DAB1: variants seen among roughly 807,000 people sequenced by gnomAD.
DAB1 encodes the protein DAB adaptor protein 1.
A neutral mutation model predicts 64.6 loss-of-function variants in DAB1; 15 were observed. The ratio of observed to expected loss-of-function variants is 0.23; its 90% CI spans 0.16 to 0.36. The LOEUF (loss-of-function observed/expected upper bound fraction) is 0.36, where lower values mean the gene tolerates loss of function less well. Among genes scored for constraint, DAB1 ranks in the 10% least tolerant of loss-of-function variants. DAB1 has a pLI of 1.00. For synonymous variants in DAB1, 235 were observed against 251.9 expected (o/e 0.93, Z 0.64); for missense variants, 596 against 706.7 (o/e 0.84, Z 1.78).
intron 4 of DAB1, among the ~76,000 whole-genome samples, chr1:57,124,894 A>T (rs1205312272): frequency 2.6e-5 from 4 of 152,096 alleles, no homozygotes; most frequent in African/African-American, 9.7e-5. Flanking sequence ...TCAAAAAATC[A>T]CTGTCTTTTG....
intron 7 of DAB1, among the ~76,000 whole-genome samples, chr1:57,455,938 T>C (rs1209777947): frequency 6.6e-6 from 1 of 152,200 alleles, no homozygotes; most frequent in Non-Finnish European, 1.5e-5. Context: ...GAATTCATCA[T>C]TAAAAATTTC....
At chr1:58,212,986 G>A (rs1049257792) in intron 4 of DAB1, among the ~76,000 whole-genome samples, 1 of 152,110 alleles carries the variant, frequency 6.6e-6, no homozygotes, top group African/African-American at 2.4e-5. Flanking sequence ...GGTTCTTAGA[G>A]CCCATTTAAA....
chr1:58,353,534 A>G (rs980593214), intron 3 of DAB1, among the ~76,000 whole-genome samples: 1 of 152,212 alleles, frequency 6.6e-6, no homozygotes. Flanking sequence ...TTAGTTGTTT[A>G]TCGAGTTTAA....
At chr1:58,145,137 A>G (rs1654516492) in intron 5 of DAB1, among the ~76,000 whole-genome samples, 1 of 152,250 alleles carries the variant, frequency 6.6e-6, no homozygotes, top group Non-Finnish European at 1.5e-5. Context: ...GAACCAGCCC[A>G]AACCAGCTTC....
rs1024795706 is a variant in DAB1, at chr1:58,451,128, C to T, written n.257+54932G>A. 2.0e-5 allele frequency among the ~76,000 whole-genome samples: 3 copies of T among 152,120 alleles called. No individual in the cohort carries two copies. The East Asian group carries it at 5.8e-4, about 29-fold the overall frequency. ...TTTCAGGGATATGATTTTGCTCTGT[C>T]ACTCAGGGTGGAATGCCATGATGCA... is the stretch of plus-strand genomic sequence containing the variant. On this transcript the variant is annotated intron_variant and non_coding_transcript_variant, in intron 3 of 20. Coordinates refer to the DAB1 transcript ENST00000485760.
At chr1:57,159,856 CAAAAAAAAAAAA>C (rs398049302) in intron 2 of DAB1, among the ~76,000 whole-genome samples, 54 of 86,352 alleles carry the variant, frequency 6.3e-4, no homozygotes, top group African/African-American at 2.0e-3. Context: ...AGCAGCAAGA[CAAAAAAAAAAAA>C]AAAAAAAAAG....
At chr1:57,907,070 T>C (rs1644564061) in intron 5 of DAB1, among the ~76,000 whole-genome samples, 1 of 152,222 alleles carries the variant, frequency 6.6e-6, no homozygotes, top group African/African-American at 2.4e-5. Context: ...TACACATTAA[T>C]AACATTGTTT....
intron 5 of DAB1, among the ~76,000 whole-genome samples, chr1:58,015,120 A>C (rs1646720405): frequency 6.6e-6 from 1 of 152,194 alleles, no homozygotes; most frequent in Non-Finnish European, 1.5e-5. Flanking sequence ...TAGCTATGCC[A>C]TCCTGACCTA....
At chr1:58,495,610 T>A (rs1645786437) in intron 3 of DAB1, among the ~76,000 whole-genome samples, 1 of 152,122 alleles carries the variant, frequency 6.6e-6, no homozygotes. Context: ...AATTCCTGAT[T>A]GTCAGTAGAT....
chr1:57,631,495 AT>A (rs1312596604), intron 7 of DAB1, among the ~76,000 whole-genome samples: 2 of 152,178 alleles, frequency 1.3e-5, no homozygotes, highest in African/African-American at 4.8e-5. Flanking sequence ...TTTATATGCT[AT>A]TTAGTTTATG....
intron 5 of DAB1, among the ~76,000 whole-genome samples, chr1:58,137,352 C>G (rs774505100): frequency 8.5e-5 from 13 of 152,206 alleles, no homozygotes; most frequent in Non-Finnish European, 1.8e-4. Flanking sequence ...TCTTCTTAGT[C>G]TACTGCACAT....
At chr1:57,655,568 T>TA (rs2101661106) in intron 6 of DAB1, among the ~76,000 whole-genome samples, 1 of 152,290 alleles carries the variant, frequency 6.6e-6, no homozygotes, top group African/African-American at 2.4e-5. Context: ...AAACTAGACT[T>TA]ACATTCCTAC....
At chr1:57,070,019 G>A (rs1361796697) in intron 7 of DAB1, among the ~76,000 whole-genome samples, 1 of 152,178 alleles carries the variant, frequency 6.6e-6, no homozygotes, top group Non-Finnish European at 1.5e-5. Flanking sequence ...GAGCAAGGGG[G>A]TGAAGCTCAT....
chr1:58,224,571 C>A (rs2100332835), intron 4 of DAB1, among the ~76,000 whole-genome samples: 1 of 152,112 alleles, frequency 6.6e-6, no homozygotes, highest in Non-Finnish European at 1.5e-5. Flanking sequence ...GTGGGGACAC[C>A]AAGAAATGCC....
At chr1:57,757,650 A>G (rs868229867) in intron 6 of DAB1, among the ~76,000 whole-genome samples, 3 of 152,274 alleles carry the variant, frequency 2.0e-5, no homozygotes, top group Middle Eastern at 3.4e-3. Flanking sequence ...ATTATAATCC[A>G]TCCTAATGAC....
chr1:58,082,285 C>G (rs1650040867), intron 5 of DAB1, among the ~76,000 whole-genome samples: 1 of 152,096 alleles, frequency 6.6e-6, no homozygotes. Context: ...ACACATAAAA[C>G]ATTCCTCAGT....
chr1:57,220,878 C>G (rs1250576891), intron 2 of DAB1, among the ~76,000 whole-genome samples: 1 of 152,158 alleles, frequency 6.6e-6, no homozygotes, highest in Admixed American at 6.5e-5. Context: ...ACCATTTGAC[C>G]CAGCCATCCC....
At chr1:58,481,971 A>G (rs747495007) in intron 3 of DAB1, among the ~76,000 whole-genome samples, 3 of 152,232 alleles carry the variant, frequency 2.0e-5, no homozygotes, top group Non-Finnish European at 4.4e-5. Flanking sequence ...GCAGCATGAG[A>G]ATGGACTAAT....
chr1:58,114,118 G>C (rs1273013794), intron 5 of DAB1, among the ~76,000 whole-genome samples: 1 of 151,370 alleles, frequency 6.6e-6, no homozygotes, highest in Non-Finnish European at 1.5e-5. Flanking sequence ...AATTACCTGG[G>C]CATGGTGGCA....
Sources: gnomAD v4.1 joint callset for allele counts (sites outside exome capture counted in the v4.1 genomes callset) on GRCh38, gnomAD v4.1.1 for gene constraint, MANE v1.5 for transcripts, NCBI Gene and HGNC (gene_info 2026-07-23, HGNC 2026-07-21) for gene names.